TEAD1: variants seen among roughly 807,000 people sequenced by gnomAD.
TEAD1 encodes TEA domain transcription factor 1.
A neutral mutation model predicts 54.9 loss-of-function variants in TEAD1; 9 were observed. The ratio of observed to expected loss-of-function variants is 0.16; its 90% CI spans 0.10 to 0.29. The LOEUF (loss-of-function observed/expected upper bound fraction) is 0.29. Ranked by LOEUF, TEAD1 falls within the 10% of genes least tolerant of loss-of-function variation. TEAD1 has a pLI of 1.00. For missense variants in TEAD1, 387 were observed against 535.9 expected, an observed-to-expected ratio of 0.72 and a Z score of 2.74; for synonymous variants, 200 against 187.8, an observed-to-expected ratio of 1.07 and a Z score of -0.53.
intron 3 of TEAD1, among the ~76,000 whole-genome samples, chr11:12,794,885 T>A (rs1945882587): frequency 6.6e-6 from 1 of 152,190 alleles, no homozygotes; most frequent in Admixed American, 6.5e-5. Context: ...CCCTAGTACC[T>A]CTGACAAGGA....
In TEAD1 at chr11:12,723,327, C is replaced by G. The variant is rs79548129; in HGVS notation, c.-54-40852C>G. Among the ~76,000 whole-genome samples, 565 of 152,218 alleles carry G rather than the reference C, an allele frequency of 3.7e-3. 2 individuals are homozygous for G. The highest frequency in any genetic ancestry group is 0.013 in the African/African-American group (520 of 41,550). Reference sequence around the variant, plus strand: ...TTACTTACTATGTTTTGAGATTTTACTTAGTATTTTTGTTTTCTTACAGTC... The same window carrying G: ...TTACTTACTATGTTTTGAGATTTTAGTTAGTATTTTTGTTTTCTTACAGTC... On this transcript the variant is annotated intron_variant, in intron 2 of 12. Transcript: ENST00000527636.
chr11:12,803,510 A>G (rs1395014577), intron 3 of TEAD1, among the ~76,000 whole-genome samples: 1 of 152,188 alleles, frequency 6.6e-6, no homozygotes, highest in Non-Finnish European at 1.5e-5. Flanking sequence ...AATGAAGATA[A>G]TTTTCATAGC....
chr11:12,783,138 G>A lies in TEAD1; in HGVS notation c.202+18704G>A, dbSNP rs74664618. Reference sequence around the variant, plus strand: ...TGTGTGTGTGTGTGTGTGTGTGCGCGCACTTTCTTTTTAAATCACTGTATG... The same window carrying A: ...TGTGTGTGTGTGTGTGTGTGTGCGCACACTTTCTTTTTAAATCACTGTATG... On this transcript the variant is annotated intron_variant, in intron 3 of 12. Transcript: ENST00000527636. Among the ~76,000 whole-genome samples, 1,447 of 149,180 alleles carry A rather than the reference G, an allele frequency of 9.7e-3. 61 individuals carry two copies. Among genetic ancestry groups the A allele is most frequent in the East Asian group, 0.095 (479 of 5,050 alleles).
chr11:12,902,614 A>G (rs980710616), intron 10 of TEAD1, among the ~76,000 whole-genome samples: 1 of 152,212 alleles, frequency 6.6e-6, no homozygotes, highest in African/African-American at 2.4e-5. Context: ...GGGCATAAGT[A>G]TAATGTGTGT....
At chr11:12,744,101 C>T (rs554525131) in intron 2 of TEAD1, among the ~76,000 whole-genome samples, 44 of 152,128 alleles carry the variant, frequency 2.9e-4, no homozygotes, top group Non-Finnish European at 4.0e-4. Flanking sequence ...ACTTTAGTTG[C>T]GCTAGGCCAG....
intron 2 of TEAD1, among the ~76,000 whole-genome samples, chr11:12,719,554 C>T (rs1273429368): frequency 7.8e-6 from 1 of 127,866 alleles, no homozygotes; most frequent in Non-Finnish European, 1.5e-5. Flanking sequence ...TCTCCCCTTT[C>T]TCTTTCCAGT....
At chr11:12,776,198 G>A (rs1391173337) in intron 3 of TEAD1, among the ~76,000 whole-genome samples, 1 of 152,208 alleles carries the variant, frequency 6.6e-6, no homozygotes, top group Admixed American at 6.5e-5. Context: ...CTGGCCACTT[G>A]AGTGTGTCAG....
Position 12,930,318 on chromosome 11 carries a change from A to C in TEAD1, c.1159A>C (p.Ile387Leu), listed in dbSNP as rs780754344. The C allele has an allele frequency of 1.2e-6, 2 of 1,614,046 alleles. No individual in the cohort carries two copies. The highest frequency in any genetic ancestry group is 2.7e-5 in the African/African-American group (2 of 74,928). The change falls in exon 12 of 13, where the codon ATT (isoleucine) becomes CTT (leucine). Residue 387 changes from isoleucine to leucine, a missense_variant. Physicochemically the swap from Ile to Leu is conservative, Grantham distance 5. Coordinates refer to ENST00000527636, the MANE Select transcript of TEAD1 (RefSeq NM_021961.6). ...GAACAGTGTTTTGGAAAACTTCACA[A>C]TTTTATTGGTAATGGTTTTGTCTCT...
intron 5 of TEAD1, among the ~76,000 whole-genome samples, chr11:12,867,590 C>G (rs1275716111): frequency 6.6e-6 from 1 of 152,174 alleles, no homozygotes; most frequent in Non-Finnish European, 1.5e-5. Context: ...CCTAACCAGC[C>G]ATTACCAGGA....
intron 2 of TEAD1, among the ~76,000 whole-genome samples, chr11:12,722,314 G>A (rs1944222002): frequency 6.6e-6 from 1 of 152,152 alleles, no homozygotes; most frequent in South Asian, 2.1e-4. Flanking sequence ...TACAGGGGAG[G>A]GAAGAAGAAC....
chr11:12,847,240 G>T (rs1020792554), intron 3 of TEAD1, among the ~76,000 whole-genome samples: 7 of 152,116 alleles, frequency 4.6e-5, no homozygotes, highest in Admixed American at 2.0e-4. Context: ...CATTCTTCAT[G>T]CAGGGCCAGA....
At chr11:12,872,231 G>T (rs369444553) in intron 5 of TEAD1, among the ~76,000 whole-genome samples, 27 of 152,284 alleles carry the variant, frequency 1.8e-4, no homozygotes, top group Non-Finnish European at 2.4e-4. Context: ...GAAGGTAGAC[G>T]TACTTCACTT....
intron 3 of TEAD1, among the ~76,000 whole-genome samples, chr11:12,792,072 G>A (rs999425236): frequency 6.6e-6 from 1 of 152,162 alleles, no homozygotes; most frequent in Non-Finnish European, 1.5e-5. Context: ...GCAGGGTGAT[G>A]GACATTGGGC....
chr11:12,822,038 A>G (rs2134004694), intron 3 of TEAD1, among the ~76,000 whole-genome samples: 1 of 130,814 alleles, frequency 7.6e-6, no homozygotes, highest in African/African-American at 3.0e-5. Context: ...ATCTCCGCTC[A>G]CTGCAAGCTC....
At chr11:12,690,007 G>A (rs548130745) in intron 2 of TEAD1, among the ~76,000 whole-genome samples, 3 of 152,144 alleles carry the variant, frequency 2.0e-5, no homozygotes, top group South Asian at 2.1e-4. Context: ...TTGGGAGGCC[G>A]AGGTGGGCGG....
At chr11:12,928,504 A>G (rs1380928848) in intron 11 of TEAD1, among the ~76,000 whole-genome samples, 1 of 152,108 alleles carries the variant, frequency 6.6e-6, no homozygotes, top group Non-Finnish European at 1.5e-5. Context: ...TCCTGGGCTC[A>G]AGCGATCTGC....
chr11:12,674,809 G>C lies in TEAD1; in HGVS notation c.-233G>C, dbSNP rs1943039025. 6.6e-6 allele frequency: 1 copy of C among 151,120 alleles called. No homozygotes were observed. The highest frequency in any genetic ancestry group is 1.5e-5 in the Non-Finnish European group (1 of 67,728). The allele number at this position is 151,120 out of a possible 1,614,324, so 9.4% of individuals were successfully genotyped here. On this transcript the variant is annotated 5_prime_UTR_variant, in exon 1 of 13. Coordinates refer to ENST00000527636, the MANE Select transcript of TEAD1 (RefSeq NM_021961.6). ...CCGAAGTTTGCCTCGGACTCGCCGG[G>C]CGCTGCGGTGGCTCCCTGGGCCGAG...
chr11:12,936,724 T>A (rs1362632832), intron 12 of TEAD1, among the ~76,000 whole-genome samples: 2 of 152,166 alleles, frequency 1.3e-5, no homozygotes, highest in African/African-American at 4.8e-5. Flanking sequence ...CTTGTCAATT[T>A]AAAAATTCAG....
At chr11:12,752,125 A>G (rs1481243282) in intron 2 of TEAD1, among the ~76,000 whole-genome samples, 2 of 151,946 alleles carry the variant, frequency 1.3e-5, no homozygotes, top group African/African-American at 2.4e-5. Flanking sequence ...ACATCAAAGC[A>G]TAATTCAAAA....
Sources: allele counts gnomAD v4.1 joint callset (sites outside exome capture counted in the v4.1 genomes callset), GRCh38; gene constraint gnomAD v4.1.1; transcripts MANE v1.5; gene names NCBI Gene and HGNC (gene_info 2026-07-23, HGNC 2026-07-21).